Variants in USP33 observed in about 807,000 individuals in gnomAD.
USP33 encodes ubiquitin specific peptidase 33, also known as ubiquitin carboxyl-terminal hydrolase 33.
USP33 carries 46 observed loss-of-function variants against 124.2 expected under a neutral mutation model. The ratio of observed to expected loss-of-function variants is 0.37; its 90% CI spans 0.29 to 0.47. USP33 has a LOEUF of 0.47. USP33 is among the 20% of genes least tolerant of loss of function. USP33 has a pLI of 0.99. For synonymous variants in USP33, 350 were observed against 352.3 expected (o/e 0.99, Z 0.07); for missense variants, 851 against 1,070.6 (o/e 0.79, Z 2.86).
intron 21 of USP33, among the ~76,000 whole-genome samples, chr1:77,706,714 C>G (rs1337426505): frequency 6.6e-6 from 1 of 152,172 alleles, no homozygotes; most frequent in Non-Finnish European, 1.5e-5. Context: ...TGGGTGGCAA[C>G]ACTTTGTGGG....
At chr1:77,704,352 CAT>C (rs1674379747) in intron 21 of USP33, among the ~76,000 whole-genome samples, 1 of 152,178 alleles carries the variant, frequency 6.6e-6, no homozygotes, top group Non-Finnish European at 1.5e-5. Context: ...TCTAAAATGT[CAT>C]ATCAGACTGA....
At chr1:77,731,717 A>G (rs1238557456) in intron 7 of USP33, among the ~76,000 whole-genome samples, 1 of 152,148 alleles carries the variant, frequency 6.6e-6, no homozygotes, top group Non-Finnish European at 1.5e-5. Flanking sequence ...ATGAAATCAG[A>G]GGAATTACAA....
chr1:77,749,927 T>C (rs1182786472), intron 1 of USP33, among the ~76,000 whole-genome samples: 1 of 152,124 alleles, frequency 6.6e-6, no homozygotes, highest in African/African-American at 2.4e-5. Flanking sequence ...AAGATTAAAA[T>C]AAATTCTCTC....
chr1:77,730,752 A>T, intron 7 of USP33, 21 bp from the exon 8 acceptor site: 3 of 1,522,792 alleles, frequency 2.0e-6, no homozygotes, highest in Non-Finnish European at 2.7e-6. Context: ...AAAGAGAAAA[A>T]TGTTAGAGTG....
At position 77,725,676 on chromosome 1, in the gene USP33, T is replaced by C. The variant is rs1371219985; in HGVS notation, c.1222A>G (p.Ser408Gly). The part of the protein sequence containing the change: ...NEGVNPRLSA[S>G]PPKSGNLWPG... The stretch of plus-strand genomic sequence containing the variant: ...CACAAATTGCCTGATTTAGGAGGGC[T>C]TGCCGATAAACGTGGATTAACACCT... The change falls in exon 11 of 24, where the codon AGC becomes GGC. Residue 408 changes from serine (S) to glycine (G), a missense_variant. By Grantham distance (56) the Ser-to-Gly change is moderately conservative (BLOSUM62 0). Coordinates refer to ENST00000370794, the MANE Select transcript of USP33 (RefSeq NM_201624.3). 5 of 1,614,080 alleles carry C rather than the reference T, an allele frequency of 3.1e-6. No homozygotes were observed. Among genetic ancestry groups the C allele is most frequent in the Non-Finnish European group, 4.2e-6 (5 of 1,180,026 alleles).
intron 21 of USP33, among the ~76,000 whole-genome samples, chr1:77,703,421 C>T (rs189242896): frequency 1.7e-4 from 26 of 152,160 alleles, no homozygotes; most frequent in African/African-American, 4.8e-5. Context: ...GTCAGGAGTT[C>T]GAGACCAGTC....
chr1:77,725,516 G>T lies in USP33; in HGVS notation c.1276+106C>A, dbSNP rs534792776. On this transcript the variant is annotated intron_variant, in intron 11 of 23. Transcript: ENST00000370794. ...TAAAATTATGCTATCAATTTTAAAA[G>T]ATCAAATCATATTTCATAATTAACA... is the stretch of plus-strand genomic sequence containing the variant. The T allele has an allele frequency of 9.0e-4, 1,278 of 1,423,018 alleles. 1 individual carries two copies. The highest frequency in any genetic ancestry group is 9.7e-4 in the Non-Finnish European group (1,031 of 1,059,576). 88.1% of individuals were successfully genotyped at this position (1,423,018 alleles called of 1,614,324 possible). A position where few individuals can be genotyped will look rare whatever the true frequency, so the allele number is the denominator to read the frequency against.
chr1:77,741,480 T>A (rs745926601), intron 2 of USP33, 51 bp from the exon 3 acceptor site: 1 of 1,565,984 alleles, frequency 6.4e-7, no homozygotes, highest in South Asian at 1.2e-5. Context: ...CACAAACACA[T>A]ACAATTCACT....
chr1:77,722,347 A>G, intron 12 of USP33, 151 bp from the exon 13 acceptor site: 1 of 691,892 alleles, frequency 1.4e-6, no homozygotes, highest in Non-Finnish European at 2.3e-6. Context: ...CTGCTTTCAT[A>G]GTCATAATAG....
At chr1:77,717,534 C>A in intron 17 of USP33, 1 of 157,092 alleles carries the variant, frequency 6.4e-6, no homozygotes, top group Non-Finnish European at 1.4e-5. Context: ...TAACTGTATA[C>A]AATTTTCAAT....
Position 77,714,691 on chromosome 1 carries a change from C to T in USP33, c.2138G>A (p.Arg713Gln), listed in dbSNP as rs187221321. ...GGTCTTAAATTTATTAAGCCACTGTCGAGAAATATAAAACTGAAGGAGGCT... is the reference window on the plus strand; with the variant it reads ...GGTCTTAAATTTATTAAGCCACTGTTGAGAAATATAAAACTGAAGGAGGCT... ...EPSLLQFYIS[R>Q]QWLNKFKTFA... Residue 713 changes from arginine to glutamine, a missense_variant, in exon 19 of 24, where the codon CGA becomes CAA. Around this residue, in one of 4 missense-constraint regions of USP33, gnomAD observed 281 missense variants for 425.0 expected, o/e 0.66. Transcript: ENST00000370794. 30 of 1,613,146 alleles carry T rather than the reference C, an allele frequency of 1.9e-5. No individual in the cohort carries two copies. The African/African-American group carries it at 1.9e-4, about 10-fold the overall frequency.
intron 19 of USP33, 140 bp downstream of exon 19, chr1:77,714,474 T>A: frequency 2.5e-6 from 2 of 801,032 alleles, no homozygotes; most frequent in Non-Finnish European, 3.9e-6. Context: ...TCTGAAACCA[T>A]ATGGAATTAA....
In USP33 at chr1:77,711,853, T is replaced by A. The variant is rs1481580926; in HGVS notation, c.2300A>T (p.Tyr767Phe). 1 of 1,588,602 alleles carries A rather than the reference T, an allele frequency of 6.3e-7. No homozygotes were observed. Among genetic ancestry groups the A allele is most frequent in the African/African-American group, 1.4e-5 (1 of 73,302 alleles). The change falls in exon 21 of 24, where the codon TAT becomes TTT. Residue 767 changes from tyrosine (Y) to phenylalanine (F), a missense_variant and splice_region_variant. By Grantham distance (22) the Tyr-to-Phe change is conservative. Transcript: ENST00000370794. The stretch of plus-strand genomic sequence containing the variant: ...ATGGTTGACAGCTGGTCCTCCACCA[T>A]ACCTAAAGCATGAAAAATTTAAGAA... ...QNIWDNLYSR[Y>F]GGGPAVNHLY...
chr1:77,713,179 G>A (rs961945817), intron 20 of USP33, 21 bp downstream of exon 20: 5 of 1,588,956 alleles, frequency 3.1e-6, no homozygotes, highest in South Asian at 1.1e-5. Flanking sequence ...AACACTGTAT[G>A]GTCTGATTTA....
chr1:77,711,389 T>C (rs1675232784), intron 21 of USP33: 1 of 169,512 alleles, frequency 5.9e-6, no homozygotes, highest in African/African-American at 2.4e-5. Context: ...TAGCCTAGCG[T>C]GGTGGGGCAT....
chr1:77,715,903 A>G, intron 17 of USP33, 35 bp from the exon 18 acceptor site: 1 of 1,595,958 alleles, frequency 6.3e-7, no homozygotes, highest in Non-Finnish European at 8.5e-7. Flanking sequence ...TTACAGTAAT[A>G]CAAAAACAAC....
At chr1:77,726,966 A>C (rs905866729) in intron 10 of USP33, among the ~76,000 whole-genome samples, 1 of 152,200 alleles carries the variant, frequency 6.6e-6, no homozygotes, top group Non-Finnish European at 1.5e-5. Flanking sequence ...AGAAAAGAGA[A>C]TTGTTCGTAA....
intron 15 of USP33, among the ~76,000 whole-genome samples, chr1:77,719,087 G>A (rs1253192477): frequency 3.3e-5 from 5 of 152,062 alleles, no homozygotes; most frequent in South Asian, 4.2e-4. Context: ...CTGGCCAGGC[G>A]CAGTGGCTCA....
chr1:77,756,208 A>AC (rs1429297926), intron 1 of USP33, among the ~76,000 whole-genome samples: 6 of 152,038 alleles, frequency 3.9e-5, no homozygotes, highest in Admixed American at 6.5e-5. Flanking sequence ...CTCCCAAGTG[A>AC]CTGAGACTAC....
Sources: gnomAD v4.1 joint callset for allele counts (sites outside exome capture counted in the v4.1 genomes callset) on GRCh38, gnomAD v4.1.1 for gene constraint, gnomAD v4.1.1 regional missense constraint, MANE v1.5 for transcripts, NCBI Gene and HGNC (gene_info 2026-07-23, HGNC 2026-07-21) for gene names.